AMZ1: variants seen among roughly 807,000 people sequenced by gnomAD.
AMZ1 encodes the protein archaemetzincin-1.
In AMZ1, 39 loss-of-function variants were observed where a neutral mutation model predicts 29.9. That is an observed-to-expected ratio of 1.30 (90% CI 1.01 to 1.70). AMZ1 has a LOEUF of 1.70. Ranked by LOEUF, AMZ1 falls within the 40% of genes most tolerant of loss-of-function variation. AMZ1 has a pLI of 0.00. For missense variants in AMZ1, 1,041 were observed against 680.6 expected (o/e 1.53, Z -5.89); for synonymous variants, 458 against 304.0 (o/e 1.51, Z -5.27).
rs992190096 is a variant in AMZ1, at chr7:2,717,457, T to A, written c.*4579T>A. The stretch of plus-strand genomic sequence containing the variant: ...AGAGGCCCCGGGAACCGGCTCGCCC[T>A]GTACCCAAGGGCTCTCTGGAGCTCA... On this transcript the variant is annotated 3_prime_UTR_variant, in exon 7 of 7. Coordinates refer to ENST00000683327, the MANE Select transcript of AMZ1 (RefSeq NM_001384743.1). Among the ~76,000 whole-genome samples, 1 of 152,198 alleles carries A rather than the reference T, an allele frequency of 6.6e-6. No individual in the cohort carries two copies. Among genetic ancestry groups the A allele is most frequent in the Non-Finnish European group, 1.5e-5 (1 of 68,030 alleles).
At chr7:2,696,854 C>A (rs1242578332) in intron 1 of AMZ1, among the ~76,000 whole-genome samples, 1 of 152,004 alleles carries the variant, frequency 6.6e-6, no homozygotes, top group African/African-American at 2.4e-5. Context: ...CTACTGCACT[C>A]CAGCCTGGGG....
At chr7:2,756,457 T>A (rs924740944) in intron 4 of AMZ1, among the ~76,000 whole-genome samples, 1 of 151,724 alleles carries the variant, frequency 6.6e-6, no homozygotes, top group Non-Finnish European at 1.5e-5. Context: ...TGCAAAAAAT[T>A]TTTAAAAATT....
Position 2,713,227 on chromosome 7 carries a change from G to C in AMZ1, c.*349G>C, listed in dbSNP as rs1788914001. The C allele has an allele frequency of 5.4e-6, 1 of 185,594 alleles. No individual in the cohort carries two copies. Among genetic ancestry groups the C allele is most frequent in the African/African-American group, 2.3e-5 (1 of 42,728 alleles). The allele number at this position is 185,594 out of a possible 1,614,324, so 11.5% of individuals were successfully genotyped here. ...ACTGTACTGCAGTCTGGGCCACACA[G>C]AAAGACTGTCTCCAGAAAAAAAAAA... On this transcript the variant is annotated 3_prime_UTR_variant, in exon 7 of 7. Transcript: ENST00000683327.
intron 6 of AMZ1, 56 bp downstream of exon 6, chr7:2,709,872 G>A (rs1788654144): frequency 6.3e-7 from 1 of 1,590,252 alleles, no homozygotes; most frequent in Admixed American, 1.8e-5. Context: ...GGAGGCCCGC[G>A]AGCGCCGCCT....
intron 1 of AMZ1, among the ~76,000 whole-genome samples, chr7:2,699,545 A>G (rs1344340509): frequency 6.8e-6 from 1 of 146,906 alleles, no homozygotes; most frequent in Non-Finnish European, 1.5e-5. Context: ...CCCCCCAAAC[A>G]TATGCTTGCT....
chr7:2,712,482 CCTCACCCCTGATGCCGGGA>C lies in AMZ1; in HGVS notation c.1102_1120del (p.Leu368ValfsTer12). 6.2e-7 allele frequency: 1 copy of C among 1,610,588 alleles called. No individual in the cohort carries two copies. Among genetic ancestry groups the C allele is most frequent in the South Asian group, 1.1e-5 (1 of 90,888 alleles). On this transcript the variant is annotated frameshift_variant, in exon 7 of 7. Coordinates refer to ENST00000683327, the MANE Select transcript of AMZ1 (RefSeq NM_001384743.1). LOFTEE classifies it low-confidence loss of function (END_TRUNC). ...AGCCCGGCACCAGTGTGTCGGAGCCCCTCACCCCTGATGCCGGGAGTCACACCTTCGCCTCGGGGCCAGA... is the reference window on the plus strand; with the variant it reads ...AGCCCGGCACCAGTGTGTCGGAGCCCGTCACACCTTCGCCTCGGGGCCAGA...
chr7:2,690,879 C>G (rs1035662529), intron 1 of AMZ1, among the ~76,000 whole-genome samples: 14 of 151,858 alleles, frequency 9.2e-5, no homozygotes, highest in African/African-American at 3.4e-4. Context: ...GGTGGCTCAC[C>G]TCTGAAATCC....
rs146269524 is a variant in AMZ1, at chr7:2,717,726, C to G, written c.*4848C>G. On this transcript the variant is annotated 3_prime_UTR_variant, in exon 7 of 7. Coordinates refer to ENST00000683327, the MANE Select transcript of AMZ1 (RefSeq NM_001384743.1). Reference sequence around the variant, plus strand: ...CAGATCGCGGGTGGAGACGGCCGGCCGAGCCTTCCCTTTTCTGACATCCTA... The same window carrying G: ...CAGATCGCGGGTGGAGACGGCCGGCGGAGCCTTCCCTTTTCTGACATCCTA... Among the ~76,000 whole-genome samples, 1,100 of 152,220 alleles carry G rather than the reference C, an allele frequency of 7.2e-3. 6 individuals carry two copies. Among genetic ancestry groups the G allele is most frequent in the Non-Finnish European group, 0.012 (830 of 68,014 alleles).
At chr7:2,704,139 T>C (rs1025545132) in intron 3 of AMZ1, among the ~76,000 whole-genome samples, 2 of 152,232 alleles carry the variant, frequency 1.3e-5, no homozygotes, top group East Asian at 1.9e-4. Context: ...TCTGCCTGCA[T>C]TGGCCTCCCA....
intron 1 of AMZ1, among the ~76,000 whole-genome samples, chr7:2,692,429 C>T (rs372267527): frequency 1.3e-5 from 2 of 152,168 alleles, no homozygotes; most frequent in African/African-American, 4.8e-5. Context: ...TTAGTCCCAG[C>T]TATTCGGGAG....
intron 6 of AMZ1, among the ~76,000 whole-genome samples, chr7:2,710,820 G>C (rs532757878): frequency 2.1e-4 from 32 of 152,328 alleles, no homozygotes; most frequent in African/African-American, 7.5e-4. Flanking sequence ...TCTCCCGAGG[G>C]TACAGGTGGC....
At position 2,700,645 on chromosome 7, in the gene AMZ1, A is replaced by G. The variant is rs2115103002; in HGVS notation, c.194A>G (p.Asp65Gly). The G allele has an allele frequency of 6.2e-7, 1 of 1,612,016 alleles. No homozygotes were observed. The highest frequency in any genetic ancestry group is 8.5e-7 in the Non-Finnish European group (1 of 1,180,008). The change falls in exon 2 of 7, where the codon GAC becomes GGC. Residue 65 changes from aspartate to glycine, a missense_variant. Physicochemically the swap from Asp to Gly is moderately conservative, Grantham distance 94. Transcript: ENST00000683327. ...FCTLLIRTGF[D>G]WLLSRPEAPE... ...ACCCTGCTCATCCGCACGGGCTTCG[A>G]CTGGCTCCTGAGCCGACCCGAGGCT...
intron 4 of AMZ1, among the ~76,000 whole-genome samples, chr7:2,748,694 A>G (rs1208668369): frequency 1.3e-5 from 2 of 152,232 alleles, no homozygotes; most frequent in Non-Finnish European, 2.9e-5. Context: ...TCTGCACAGC[A>G]AAAGAAACTA....
intron 4 of AMZ1, among the ~76,000 whole-genome samples, chr7:2,748,233 G>C (rs1488707416): frequency 1.3e-5 from 2 of 151,622 alleles, no homozygotes; most frequent in African/African-American, 4.8e-5. Context: ...CAAAGCTGGA[G>C]GCATCACGCT....
Position 2,718,565 on chromosome 7 carries a change from C to T in AMZ1, c.*5687C>T, listed in dbSNP as rs1465653470. ...CTGGCACGTGGACGAAGGTGATGAGCGCGGCTGACGGCTCCCGGGGGCAGT... is the reference window on the plus strand; with the variant it reads ...CTGGCACGTGGACGAAGGTGATGAGTGCGGCTGACGGCTCCCGGGGGCAGT... On this transcript the variant is annotated 3_prime_UTR_variant, in exon 7 of 7. Transcript: ENST00000683327. 6.6e-6 allele frequency among the ~76,000 whole-genome samples: 1 copy of T among 152,188 alleles called. No individual in the cohort carries two copies. Among genetic ancestry groups the T allele is most frequent in the Non-Finnish European group, 1.5e-5 (1 of 68,034 alleles).
At chr7:2,707,041 G>A (rs1033810986) in intron 3 of AMZ1, among the ~76,000 whole-genome samples, 1 of 152,172 alleles carries the variant, frequency 6.6e-6, no homozygotes, top group African/African-American at 2.4e-5. Flanking sequence ...TTGGGAGACC[G>A]AGGCAGACGG....
intron 1 of AMZ1, among the ~76,000 whole-genome samples, chr7:2,691,464 C>G (rs535352574): frequency 6.7e-6 from 1 of 148,812 alleles, no homozygotes; most frequent in African/African-American, 2.6e-5. Flanking sequence ...GATTTTGGGC[C>G]GGGCGCGGTG....
rs921913372 is a variant in AMZ1 at position 2,714,540 on chromosome 7, G to A, written c.*1662G>A. 3 of 152,194 alleles carry A rather than the reference G, an allele frequency of 2.0e-5. No individual in the cohort carries two copies. The highest frequency in any genetic ancestry group is 7.2e-5 in the African/African-American group (3 of 41,382). The allele number at this position is 152,194 out of a possible 1,614,324, so 9.4% of individuals were successfully genotyped here. ...CTAGGCCTTTCAGAAAGTGACCAAT[G>A]GAAGGTGCCGGCAGAGCACCCTGCA... On this transcript the variant is annotated 3_prime_UTR_variant, in exon 7 of 7. Coordinates refer to ENST00000683327, the MANE Select transcript of AMZ1 (RefSeq NM_001384743.1).
At chr7:2,681,176 G>C (rs1259840759) in intron 1 of AMZ1, among the ~76,000 whole-genome samples, 2 of 152,166 alleles carry the variant, frequency 1.3e-5, no homozygotes, top group African/African-American at 2.4e-5. Flanking sequence ...CCCCAAGTCA[G>C]CCTGGCTAGC....
Sources: gnomAD v4.1 joint callset for allele counts (sites outside exome capture counted in the v4.1 genomes callset) on GRCh38, gnomAD v4.1.1 for gene constraint, MANE v1.5 for transcripts, NCBI Gene and HGNC (gene_info 2026-07-23, HGNC 2026-07-21) for gene names.